The following SIN3B variants were observed in gnomAD, a reference collection of about 807,000 sequenced individuals.
The protein encoded by SIN3B is paired amphipathic helix protein Sin3b.
Under a neutral mutation model 120.2 loss-of-function variants are expected in SIN3B, and 19 were observed. The observed-to-expected ratio is 0.16, with a 90% confidence interval of 0.11 to 0.23. The LOEUF is 0.23. Ranked by LOEUF, SIN3B falls within the 10% of genes least tolerant of loss-of-function variation. SIN3B has a pLI of 1.00. For missense variants in SIN3B, 1,073 were observed against 1,573.0 expected (o/e 0.68, Z 5.38); for synonymous variants, 654 against 653.2 (o/e 1.00, Z -0.02).
At chr19:16,863,324 A>AC in intron 9 of SIN3B, 3 of 362,078 alleles carry the variant, frequency 8.3e-6, no homozygotes, top group Non-Finnish European at 9.9e-6. Context: ...TTAAGAATGC[A>AC]GTGTAACAAT....
At position 16,871,278 on chromosome 19, in the gene SIN3B, G is replaced by T. The variant is rs775797589; in HGVS notation, c.2472G>T (p.Arg824=). Residue 824 remains arginine, a synonymous_variant, in exon 14 of 19, where the codon CGG becomes CGT. Transcript: ENST00000248054. The part of the protein sequence containing the change: ...EYYPAFLDMV[R]SLLEGSIDPT... ...ACCCGGCCTTCCTGGACATGGTGCG[G>T]AGCCTGCTGGAGGGCAGCATCGACC... is the stretch of plus-strand genomic sequence containing the variant. The T allele has an allele frequency of 6.2e-7, 1 of 1,614,202 alleles. No individual in the cohort carries two copies. Among genetic ancestry groups the T allele is most frequent in the East Asian group, 2.2e-5 (1 of 44,884 alleles).
chr19:16,877,622 A>G lies in SIN3B; in HGVS notation c.2937A>G (p.Lys979=). ...CGCCCACTGAGGGCTTCCTCCTGAAACCTGTGTTCCTGCAGAGGTAAGAGG... is the reference window on the plus strand; with the variant it reads ...CGCCCACTGAGGGCTTCCTCCTGAAGCCTGTGTTCCTGCAGAGGTAAGAGG... ...SSSPTEGFLL[K]PVFLQRNLKK... The change falls in exon 17 of 19, where the codon AAA becomes AAG. Residue 979 remains lysine, a synonymous_variant. Transcript: ENST00000248054. 1 of 1,610,780 alleles carries G rather than the reference A, an allele frequency of 6.2e-7. No homozygotes were observed. The highest frequency in any genetic ancestry group is 8.5e-7 in the Non-Finnish European group (1 of 1,178,828).
chr19:16,837,258 C>T (rs950053601), intron 3 of SIN3B, among the ~76,000 whole-genome samples: 1 of 151,946 alleles, frequency 6.6e-6, no homozygotes, highest in African/African-American at 2.4e-5. Flanking sequence ...CTGGATGGTT[C>T]TGGGAGGCGG....
At chr19:16,831,738 C>T (rs1971281592) in intron 3 of SIN3B, 91 bp downstream of exon 3, 1 of 1,106,810 alleles carries the variant, frequency 9.0e-7, no homozygotes, top group East Asian at 2.4e-5. Context: ...TGTATCATTG[C>T]TAGAAAGCCA....
intron 8 of SIN3B, among the ~76,000 whole-genome samples, chr19:16,856,267 G>C (rs1971613657): frequency 6.6e-6 from 1 of 152,082 alleles, no homozygotes. Flanking sequence ...GCGGGCCTGT[G>C]AGTGCTGAGA....
At chr19:16,848,281 C>T (rs937645754) in intron 5 of SIN3B, among the ~76,000 whole-genome samples, 3 of 152,142 alleles carry the variant, frequency 2.0e-5, no homozygotes, top group African/African-American at 7.2e-5. Flanking sequence ...AGTGGAATTC[C>T]TGGGTCACAT....
intron 14 of SIN3B, among the ~76,000 whole-genome samples, chr19:16,873,401 T>C (rs1301789194): frequency 1.3e-5 from 2 of 151,900 alleles, no homozygotes; most frequent in Non-Finnish European, 2.9e-5. Flanking sequence ...TCCACAGCAG[T>C]GGCCACTCCC....
chr19:16,855,451 G>C (rs1026481133), intron 8 of SIN3B: 1 of 149,006 alleles, frequency 6.7e-6, no homozygotes, highest in Admixed American at 6.8e-5. Flanking sequence ...GGCCGGGTGC[G>C]GTGGCTCGTG....
intron 4 of SIN3B, 51 bp from the exon 5 acceptor site, chr19:16,846,919 C>A: frequency 6.3e-7 from 1 of 1,586,342 alleles, no homozygotes; most frequent in Non-Finnish European, 8.6e-7. Context: ...CGGCCCAGGG[C>A]ACAGCACTCC....
intron 3 of SIN3B, 91 bp downstream of exon 3, chr19:16,831,738 C>A: frequency 9.0e-7 from 1 of 1,106,806 alleles, no homozygotes; most frequent in Non-Finnish European, 1.3e-6. Context: ...TGTATCATTG[C>A]TAGAAAGCCA....
At position 16,876,227 on chromosome 19, in the gene SIN3B, A is replaced by C; in HGVS notation, c.2765A>C (p.Lys922Thr). The C allele has an allele frequency of 6.2e-7, 1 of 1,607,546 alleles. No individual in the cohort carries two copies. Among genetic ancestry groups the C allele is most frequent in the Non-Finnish European group, 8.5e-7 (1 of 1,175,760 alleles). ...TGCATGGCCGACGAGAACTGCTTCAAGGTGAGAGGAGGCCTGGGGCTGGGA... is the reference window on the plus strand; with the variant it reads ...TGCATGGCCGACGAGAACTGCTTCACGGTGAGAGGAGGCCTGGGGCTGGGA... ...ERCMADENCFKVMFLQRKGQV... is the reference protein window; with the variant it reads ...ERCMADENCFTVMFLQRKGQV... Residue 922 changes from lysine (K) to threonine (T), a missense_variant and splice_region_variant, in exon 15 of 19, where the codon AAG (lysine) becomes ACG (threonine). Around this residue, in one of 7 missense-constraint regions of SIN3B, gnomAD observed 311 missense variants for 400.3 expected, o/e 0.78. Coordinates refer to ENST00000248054, the MANE Select transcript of SIN3B (RefSeq NM_001297595.2). The surrounding 1 kb of genome is among the most constrained non-coding windows in gnomAD (Gnocchi z 7.1).
chr19:16,835,002 C>T (rs1971328241), intron 3 of SIN3B, among the ~76,000 whole-genome samples: 1 of 151,660 alleles, frequency 6.6e-6, no homozygotes. Context: ...TCTCGACTCA[C>T]CGCATCCTCT....
chr19:16,853,724 A>G (rs1971574953), intron 7 of SIN3B, among the ~76,000 whole-genome samples: 1 of 143,000 alleles, frequency 7.0e-6, no homozygotes, highest in South Asian at 2.2e-4. Flanking sequence ...CGTGAATTGC[A>G]CGGATCACAT....
rs752404902 is a variant in SIN3B at position 16,847,095 on chromosome 19, C to T, written c.708C>T (p.Pro236=). Residue 236 remains proline, a synonymous_variant, in exon 5 of 19, where the codon CCC becomes CCT. Transcript: ENST00000248054. The part of the protein sequence containing the change: ...DLLSEFGQFL[P]EAKRSLFTGN... ...TCTCAGAGTTTGGACAGTTCCTGCC[C>T]GAAGCCAAGCGGTCTCTGGTGAGTG... 166 of 1,612,610 alleles carry T rather than the reference C, an allele frequency of 1.0e-4. No individual in the cohort carries two copies. Among genetic ancestry groups the T allele is most frequent in the African/African-American group, 1.3e-4 (10 of 74,906 alleles).
rs1380360122 is a variant in SIN3B at position 16,853,092 on chromosome 19, C to G, written c.873C>G (p.Thr291=). The G allele has an allele frequency of 2.5e-6, 4 of 1,614,142 alleles. No homozygotes were observed. Among genetic ancestry groups the G allele is most frequent in the South Asian group, 1.1e-5 (1 of 91,066 alleles). ...PAKKKMKLRG[T]KDLSIAAVGK... is the part of the protein sequence containing the mutation. ...AGAAAAAAATGAAACTTCGTGGTACCAAAGACCTGTCCATCGCTGCAGTGG... is the reference window on the plus strand; with the variant it reads ...AGAAAAAAATGAAACTTCGTGGTACGAAAGACCTGTCCATCGCTGCAGTGG... The change falls in exon 7 of 19, where the codon ACC becomes ACG. Residue 291 remains threonine (T), a synonymous_variant. Transcript: ENST00000248054.
rs1474075239 is a variant in SIN3B, at chr19:16,862,109, A to T, written c.1059-243A>T. Among the ~76,000 whole-genome samples, 1 of 152,114 alleles carries T rather than the reference A, an allele frequency of 6.6e-6. No homozygotes were observed. Among genetic ancestry groups the T allele is most frequent in the African/African-American group, 2.4e-5 (1 of 41,400 alleles). Reference sequence around the variant, plus strand: ...TTCAAAGCCTTACTGTGAGTATGGGATTAATAGGCACAGGAAGGGACCTGG... The same window carrying T: ...TTCAAAGCCTTACTGTGAGTATGGGTTTAATAGGCACAGGAAGGGACCTGG... On this transcript the variant is annotated intron_variant, in intron 8 of 18. Coordinates refer to ENST00000248054, the MANE Select transcript of SIN3B (RefSeq NM_001297595.2). The surrounding 1 kb of genome is among the most constrained non-coding windows in gnomAD (Gnocchi z 4.7).
intron 3 of SIN3B, among the ~76,000 whole-genome samples, chr19:16,834,373 C>A (rs1568411579): frequency 1.3e-5 from 2 of 152,164 alleles, no homozygotes; most frequent in African/African-American, 4.8e-5. Flanking sequence ...TGGAGTAACT[C>A]GGCTTTCAGG....
intron 14 of SIN3B, 187 bp from the exon 15 acceptor site, chr19:16,875,868 G>A (rs566097612): frequency 3.3e-4 from 218 of 661,832 alleles, no homozygotes; most frequent in Admixed American, 8.7e-4. Context: ...GGTCTGGTCT[G>A]GTCTGGTCTG....
intron 4 of SIN3B, chr19:16,844,212 G>GT (rs557192134): frequency 1.3e-5 from 2 of 152,242 alleles, no homozygotes; most frequent in South Asian, 4.1e-4. Flanking sequence ...TTTTTCAAAT[G>GT]TAAGTTTGAA....
Sources: gnomAD v4.1 joint callset for allele counts (sites outside exome capture counted in the v4.1 genomes callset) on GRCh38, gnomAD v4.1.1 for gene constraint, gnomAD v4.1.1 regional missense constraint, Gnocchi (gnomAD v3.1) non-coding constraint, MANE v1.5 for transcripts, NCBI Gene and HGNC (gene_info 2026-07-23, HGNC 2026-07-21) for gene names.